The following WDR72 variants were observed in gnomAD, a reference collection of about 807,000 sequenced individuals.
WDR72 encodes the protein WD repeat domain 72.
A neutral mutation model predicts 124.2 loss-of-function variants in WDR72; 120 were observed. That is an observed-to-expected ratio of 0.97 (90% CI 0.83 to 1.12). The LOEUF (loss-of-function observed/expected upper bound fraction) is 1.12. Among genes scored for constraint, WDR72 ranks in the 50% most tolerant of loss-of-function variants. The probability of loss-of-function intolerance (pLI) is 0.00; values close to 1 mark genes in which losing one functional copy is unlikely to be tolerated. For synonymous variants in WDR72, 452 were observed against 441.7 expected (o/e 1.02, Z -0.29); for missense variants, 1,387 against 1,278.8 (o/e 1.08, Z -1.29).
upstream of WDR72, chr15:53,762,803 A>T (rs2019082037): frequency 6.6e-6 from 1 of 152,234 alleles, no homozygotes; most frequent in African/African-American, 2.4e-5. Flanking sequence ...TGGCTTATCC[A>T]TTAGGGACGG....
At chr15:53,642,472 C>G (rs1383143251) in intron 14 of WDR72, among the ~76,000 whole-genome samples, 1 of 151,892 alleles carries the variant, frequency 6.6e-6, no homozygotes, top group African/African-American at 2.4e-5. Flanking sequence ...TACTTCATAT[C>G]TAGAAAGGGG....
intron 14 of WDR72, among the ~76,000 whole-genome samples, chr15:53,656,535 A>T (rs2015426875): frequency 6.6e-6 from 1 of 152,182 alleles, no homozygotes; most frequent in Admixed American, 6.5e-5. Context: ...GCCAGTTTCA[A>T]CATAAGTCAT....
At chr15:53,737,801 T>C (rs1355223244) in intron 1 of WDR72, among the ~76,000 whole-genome samples, 1 of 152,138 alleles carries the variant, frequency 6.6e-6, no homozygotes, top group Non-Finnish European at 1.5e-5. Flanking sequence ...TTTGTATTAG[T>C]AACATCACAA....
chr15:53,551,813 T>C (rs952024654), intron 18 of WDR72, among the ~76,000 whole-genome samples: 3 of 152,038 alleles, frequency 2.0e-5, no homozygotes, highest in Non-Finnish European at 4.4e-5. Flanking sequence ...AAATTAGATG[T>C]AGGATACCAA....
rs1659625982 is a variant in WDR72, at chr15:53,719,562, C to T, written c.261-2877G>A. ...CAATATGAAGCATAGCATCTTCTCT[C>T]TTTGGTTCATTATCTCAATGAATGA... On this transcript the variant is annotated intron_variant, in intron 3 of 19. Transcript: ENST00000360509. Among the ~76,000 whole-genome samples, 4 of 152,280 alleles carry T rather than the reference C, an allele frequency of 2.6e-5. No homozygotes were observed. The South Asian group carries it at 8.3e-4, about 32-fold the overall frequency.
At chr15:53,748,598 G>C (rs1322356062) in intron 1 of WDR72, among the ~76,000 whole-genome samples, 4 of 152,086 alleles carry the variant, frequency 2.6e-5, no homozygotes, top group Non-Finnish European at 5.9e-5. Context: ...CACCCTAACT[G>C]AGGTAGTTCC....
intron 18 of WDR72, among the ~76,000 whole-genome samples, chr15:53,538,746 G>A (rs866640640): frequency 6.6e-6 from 1 of 151,808 alleles, no homozygotes; most frequent in Non-Finnish European, 1.5e-5. Context: ...ACTGCTACCC[G>A]CCCTGGCTCA....
chr15:53,761,879 A>G (rs562829503), upstream of WDR72, among the ~76,000 whole-genome samples: 70 of 152,320 alleles, frequency 4.6e-4, no homozygotes, highest in African/African-American at 1.6e-3. Flanking sequence ...CAGCCTCTGA[A>G]TAGGGAAAAG....
intron 1 of WDR72, among the ~76,000 whole-genome samples, chr15:53,753,023 G>C (rs1235623496): frequency 6.6e-6 from 1 of 152,150 alleles, no homozygotes; most frequent in East Asian, 1.9e-4. Context: ...ACGTAAAGTA[G>C]GTTGGTAGAA....
At chr15:53,632,847 A>G (rs2014483377) in intron 14 of WDR72, among the ~76,000 whole-genome samples, 2 of 152,228 alleles carry the variant, frequency 1.3e-5, no homozygotes, top group Admixed American at 6.5e-5. Flanking sequence ...TTTTCCCCTT[A>G]GGAATCTGAG....
At chr15:53,737,454 G>T (rs551550497) in intron 1 of WDR72, among the ~76,000 whole-genome samples, 7 of 152,224 alleles carry the variant, frequency 4.6e-5, no homozygotes, top group African/African-American at 1.7e-4. Flanking sequence ...ACGTAGAAAG[G>T]TTGAAAATAA....
At chr15:53,596,998 C>A (rs946381708) in intron 18 of WDR72, 81 bp downstream of exon 18, 2 of 1,352,586 alleles carry the variant, frequency 1.5e-6, no homozygotes, top group African/African-American at 1.4e-5. Flanking sequence ...GAAAATCGTT[C>A]AGTTGCACCA....
intron 13 of WDR72, among the ~76,000 whole-genome samples, chr15:53,696,843 A>G (rs1212307122): frequency 1.3e-5 from 2 of 152,222 alleles, no homozygotes; most frequent in Non-Finnish European, 2.9e-5. Context: ...AACAGCATAA[A>G]CTTATTCAAA....
chr15:53,535,226 A>G (rs1892699032), intron 18 of WDR72, among the ~76,000 whole-genome samples: 1 of 152,150 alleles, frequency 6.6e-6, no homozygotes. Context: ...TTAAGGCTCT[A>G]TTGGCTTATA....
chr15:53,530,797 G>C (rs895086340), intron 18 of WDR72, among the ~76,000 whole-genome samples: 3 of 151,998 alleles, frequency 2.0e-5, no homozygotes, highest in African/African-American at 7.2e-5. Context: ...TTTAAACCAA[G>C]GAAAAGCACC....
chr15:53,573,548 CT>C (rs538068129), intron 18 of WDR72, among the ~76,000 whole-genome samples: 230 of 142,972 alleles, frequency 1.6e-3, no homozygotes, highest in Admixed American at 3.4e-3. Context: ...TGCTTCTTTT[CT>C]TTTTTTTTTT....
intron 10 of WDR72, among the ~76,000 whole-genome samples, chr15:53,705,452 G>T (rs1441789852): frequency 6.7e-6 from 1 of 148,468 alleles, no homozygotes; most frequent in African/African-American, 2.5e-5. Context: ...GTGTGTGTGT[G>T]TTTTTAATTA....
chr15:53,645,378 C>T (rs1300019140), intron 14 of WDR72, among the ~76,000 whole-genome samples: 2 of 152,094 alleles, frequency 1.3e-5, no homozygotes, highest in Non-Finnish European at 2.9e-5. Context: ...AGATTTAAAG[C>T]GTATAATCTG....
chr15:53,695,340 G>A (rs1490254731), intron 13 of WDR72, among the ~76,000 whole-genome samples: 1 of 152,114 alleles, frequency 6.6e-6, no homozygotes, highest in Non-Finnish European at 1.5e-5. Flanking sequence ...ATTCTTAAAA[G>A]AATAATTAGC....
Sources: allele counts gnomAD v4.1 joint callset (sites outside exome capture counted in the v4.1 genomes callset), GRCh38; gene constraint gnomAD v4.1.1; transcripts MANE v1.5; gene names NCBI Gene and HGNC (gene_info 2026-07-23, HGNC 2026-07-21).